Variants in CD68 observed in about 807,000 individuals in gnomAD.
CD68 encodes macrosialin.
CD68 carries 24 observed loss-of-function variants against 31.3 expected under a neutral mutation model. That is an observed-to-expected ratio of 0.77 (90% CI 0.55 to 1.08). The LOEUF (loss-of-function observed/expected upper bound fraction) is 1.08, where lower values mean the gene tolerates loss of function less well. Among genes scored for constraint, CD68 ranks in the 50% least tolerant of loss-of-function variants. The pLI, the probability that CD68 is intolerant of heterozygous loss-of-function variation, is 0.00. For synonymous variants in CD68, 190 were observed against 179.6 expected (o/e 1.06, Z -0.46); for missense variants, 461 against 442.5 (o/e 1.04, Z -0.38).
In CD68 at chr17:7,580,949, G is replaced by A; in HGVS notation, c.814G>A (p.Gly272Arg). The change falls in exon 5 of 6, where the codon GGG becomes AGG. Residue 272 changes from glycine to arginine, a missense_variant. By Grantham distance (125) the Gly-to-Arg change is moderately radical (BLOSUM62 -2). Coordinates refer to ENST00000250092, the MANE Select transcript of CD68 (RefSeq NM_001251.3). The surrounding 1 kb of genome is among the most constrained non-coding windows in gnomAD (Gnocchi z 4.3). ...CCTTCGAGATCTCCAAGCACCCCTG[G>A]GGCAGAGCTTCAGTTGCAGCAACTC... ...ASLRDLQAPL[G>R]QSFSCSNSSI... is the part of the protein sequence containing the mutation. 6.2e-7 allele frequency: 1 copy of A among 1,613,946 alleles called. No individual in the cohort carries two copies. Among genetic ancestry groups the A allele is most frequent in the Non-Finnish European group, 8.5e-7 (1 of 1,179,988 alleles).
In CD68 at chr17:7,580,666, T is replaced by A; in HGVS notation, c.688-45T>A. On this transcript the variant is annotated intron_variant, in intron 3 of 5. Transcript: ENST00000250092. This position sits in a 1 kb window ranked among gnomAD's most constrained non-coding sequence, Gnocchi z 4.3. ...CCCAATCCCACACGCTACTCCTTCC[T>A]CTGTGGAGAGGGATACCACCTGCGC... 6.2e-7 allele frequency: 1 copy of A among 1,613,582 alleles called. No individual in the cohort carries two copies. Among genetic ancestry groups the A allele is most frequent in the Non-Finnish European group, 8.5e-7 (1 of 1,179,660 alleles).
chr17:7,580,267 T>C lies in CD68; in HGVS notation c.507T>C (p.Cys169=), dbSNP rs1465650418. ...CGTGGACCAATGGTTCCCAGCCCTG[T>C]GTCCACCTCCAAGCCCAGATTCAGA... ...DYTWTNGSQP[C]VHLQAQIQIR... is the part of the protein sequence containing the mutation. The change falls in exon 2 of 6, where the codon TGT becomes TGC. Residue 169 remains cysteine (C), a synonymous_variant. Coordinates refer to ENST00000250092, the MANE Select transcript of CD68 (RefSeq NM_001251.3). This position sits in a 1 kb window ranked among gnomAD's most constrained non-coding sequence, Gnocchi z 4.3. The C allele has an allele frequency of 1.2e-6, 2 of 1,613,964 alleles. No individual in the cohort carries two copies. Among genetic ancestry groups the C allele is most frequent in the Non-Finnish European group, 8.5e-7 (1 of 1,179,988 alleles).
Position 7,580,306 on chromosome 17 carries a change from C to T in CD68, c.546C>T (p.Tyr182=), listed in dbSNP as rs35332743. 602 of 1,613,784 alleles carry T rather than the reference C, an allele frequency of 3.7e-4. No individual in the cohort carries two copies. Among genetic ancestry groups the T allele is most frequent in the Admixed American group, 4.7e-4 (28 of 59,986 alleles). ...LQAQIQIRVM[Y]TTQGGGEAWG... is the part of the protein sequence containing the mutation. ...CCCAGATTCAGATTCGAGTCATGTA[C>T]ACAACCCAGGGTGGAGGAGAGGTAA... Residue 182 remains tyrosine, a synonymous_variant, in exon 2 of 6, where the codon TAC becomes TAT. Transcript: ENST00000250092. This position sits in a 1 kb window ranked among gnomAD's most constrained non-coding sequence, Gnocchi z 4.3.
rs1283057311 is a variant in CD68, at chr17:7,580,933, T to C, written c.798T>C (p.Asp266=). 6.2e-7 allele frequency: 1 copy of C among 1,613,934 alleles called. No homozygotes were observed. The highest frequency in any genetic ancestry group is 8.5e-7 in the Non-Finnish European group (1 of 1,179,988). The change falls in exon 5 of 6, where the codon GAT becomes GAC. Residue 266 remains aspartate, a synonymous_variant. Transcript: ENST00000250092. The surrounding 1 kb of genome is among the most constrained non-coding windows in gnomAD (Gnocchi z 4.3). ...CGGCTCAGAATGCATCCCTTCGAGA[T>C]CTCCAAGCACCCCTGGGGCAGAGCT... The part of the protein sequence containing the change: ...TFSAQNASLR[D]LQAPLGQSFS...
rs1202747445 is a variant in CD68, at chr17:7,579,721, T to A, written c.44T>A (p.Leu15Gln). 4 of 1,603,922 alleles carry A rather than the reference T, an allele frequency of 2.5e-6. No individual in the cohort carries two copies. The highest frequency in any genetic ancestry group is 3.4e-6 in the Non-Finnish European group (4 of 1,175,862). Residue 15 changes from leucine (L) to glutamine (Q), a missense_variant, in exon 1 of 6, where the codon CTG becomes CAG. Coordinates refer to ENST00000250092, the MANE Select transcript of CD68 (RefSeq NM_001251.3). Reference sequence around the variant, plus strand: ...TTCTCGGGGGCCCTGCTGGGGCTACTGGCAGGTAAGGAGGAAGGAGGCTGA... The same window carrying A: ...TTCTCGGGGGCCCTGCTGGGGCTACAGGCAGGTAAGGAGGAAGGAGGCTGA... ...VLFSGALLGL[L>Q]AAQGTGNDCP...
At position 7,581,362 on chromosome 17, in the gene CD68, C is replaced by G; in HGVS notation, c.932-16C>G. ...CACGTCACTGCAAATACCTACCTGC[C>G]CTATCCTTCCGCCAGGTTTCTCCTG... On this transcript the variant is annotated splice_polypyrimidine_tract_variant and intron_variant, in intron 5 of 5. Transcript: ENST00000250092. The G allele has an allele frequency of 1.2e-6, 2 of 1,614,124 alleles. No homozygotes were observed. The highest frequency in any genetic ancestry group is 1.7e-6 in the Non-Finnish European group (2 of 1,179,992).
At position 7,581,875 on chromosome 17, in the gene CD68, T is replaced by C. The variant is rs530835870; in HGVS notation, c.*364T>C. On this transcript the variant is annotated 3_prime_UTR_variant, in exon 6 of 6. Transcript: ENST00000250092. ...AGGAGGTGGAGGTTGCAGTGAGCCG[T>C]CATCGCGCCACTAAGCCAAGATCGC... The C allele has an allele frequency of 3.1e-5, 8 of 256,786 alleles. No individual in the cohort carries two copies. In the East Asian group the frequency reaches 7.3e-4, roughly 23 times the overall value. 15.9% of individuals were successfully genotyped at this position (256,786 alleles called of 1,614,324 possible). A position where few individuals can be genotyped will look rare whatever the true frequency, so the allele number is the denominator to read the frequency against.
At position 7,579,726 on chromosome 17, in the gene CD68, GGTAAGGAGGAAGGAGGCT is replaced by G. The variant is rs2071457478; in HGVS notation, c.49+2_49+19del. ...GGGGGCCCTGCTGGGGCTACTGGCA[GGTAAGGAGGAAGGAGGCT>G]GAGGGGAGGGGGCCCCTGGGAGGGA... is the stretch of plus-strand genomic sequence containing the variant. On this transcript the variant is annotated splice_donor_variant and splice_donor_5th_base_variant and intron_variant, in intron 1 of 5. Coordinates refer to ENST00000250092, the MANE Select transcript of CD68 (RefSeq NM_001251.3). LOFTEE classifies it high-confidence loss of function. The G allele has an allele frequency of 1.9e-6, 3 of 1,604,522 alleles. No homozygotes were observed. Among genetic ancestry groups the G allele is most frequent in the Non-Finnish European group, 2.6e-6 (3 of 1,175,898 alleles).
At position 7,581,981 on chromosome 17, in the gene CD68, G is replaced by C. The variant is rs1186458364; in HGVS notation, c.*470G>C. The stretch of plus-strand genomic sequence containing the variant: ...GAGATAATGCAGTCGGGAGAAGGGA[G>C]GGAGAGAATTTTATTAAATGTGACG... On this transcript the variant is annotated 3_prime_UTR_variant, in exon 6 of 6. Coordinates refer to ENST00000250092, the MANE Select transcript of CD68 (RefSeq NM_001251.3). The C allele has an allele frequency of 6.6e-6, 1 of 150,424 alleles. No homozygotes were observed. Among genetic ancestry groups the C allele is most frequent in the Admixed American group, 6.7e-5 (1 of 15,014 alleles). The allele number at this position is 150,424 out of a possible 1,614,324, so 9.3% of individuals were successfully genotyped here. A position where few individuals can be genotyped will look rare whatever the true frequency, so the allele number is the denominator to read the frequency against.
In CD68 at chr17:7,580,688, G is replaced by GCGCCTTCCTCTT; in HGVS notation, c.688-18_688-7dup. The GCGCCTTCCTCTT allele has an allele frequency of 6.2e-7, 1 of 1,613,908 alleles. No individual in the cohort carries two copies. The highest frequency in any genetic ancestry group is 8.5e-7 in the Non-Finnish European group (1 of 1,179,926). On this transcript the variant is annotated intron_variant, in intron 3 of 5. Coordinates refer to ENST00000250092, the MANE Select transcript of CD68 (RefSeq NM_001251.3). This position sits in a 1 kb window ranked among gnomAD's most constrained non-coding sequence, Gnocchi z 4.3. ...TCCTCTGTGGAGAGGGATACCACCT[G>GCGCCTTCCTCTT]CGCCTTCCTCTTCGCCCCACAGGAC...
chr17:7,580,355 G>A lies in CD68; in HGVS notation c.567+28G>A, dbSNP rs768176493. 3 of 1,608,150 alleles carry A rather than the reference G, an allele frequency of 1.9e-6. No homozygotes were observed. The highest frequency in any genetic ancestry group is 1.3e-5 in the African/African-American group (1 of 74,914). On this transcript the variant is annotated intron_variant, in intron 2 of 5. Transcript: ENST00000250092. This position sits in a 1 kb window ranked among gnomAD's most constrained non-coding sequence, Gnocchi z 4.3. Reference sequence around the variant, plus strand: ...AAAGCTAAAACTGGGGGATGAGAGGGGAGGGAGGCAGGACTGGATATAGGC... The same window carrying A: ...AAAGCTAAAACTGGGGGATGAGAGGAGAGGGAGGCAGGACTGGATATAGGC...
At position 7,580,084 on chromosome 17, in the gene CD68, TCA is replaced by T. The variant is rs777007586; in HGVS notation, c.327_328del (p.His109GlnfsTer6). The T allele has an allele frequency of 1.9e-6, 3 of 1,613,572 alleles. No homozygotes were observed. The South Asian group carries it at 3.3e-5, about 18-fold the overall frequency. ...ATSQGPSTAT[H>X]SPATTSHGNA... is the part of the protein sequence containing the mutation. ...CCAGCCAGGGACCCTCAACTGCCAC[TCA>T]CAGTCCTGCCACCACTAGTCATGGA... On this transcript the variant is annotated frameshift_variant, in exon 2 of 6. Coordinates refer to ENST00000250092, the MANE Select transcript of CD68 (RefSeq NM_001251.3). LOFTEE classifies it high-confidence loss of function. The surrounding 1 kb of genome is among the most constrained non-coding windows in gnomAD (Gnocchi z 4.3).
At chr17:7,581,284 C>T in intron 5 of CD68, 94 bp from the exon 6 acceptor site, 9 of 1,488,044 alleles carry the variant, frequency 6.0e-6, no homozygotes, top group Non-Finnish European at 8.4e-6. Context: ...CCTCACCAAT[C>T]TCCTACTCCC....
rs780816227 is a variant in CD68, at chr17:7,579,974, C to G, written c.214C>G (p.His72Asp). 6.2e-7 allele frequency: 1 copy of G among 1,613,158 alleles called. No homozygotes were observed. The highest frequency in any genetic ancestry group is 1.7e-5 in the Admixed American group (1 of 59,986). Reference sequence around the variant, plus strand: ...GACAACCACCACAGGCACCACCAGCCACGGACCCACGACTGCCACTCACAA... The same window carrying G: ...GACAACCACCACAGGCACCACCAGCGACGGACCCACGACTGCCACTCACAA... ...HRTTTTGTTS[H>D]GPTTATHNPT... Residue 72 changes from histidine (H) to aspartate (D), a missense_variant, in exon 2 of 6, where the codon CAC becomes GAC. By Grantham distance (81) the His-to-Asp change is moderately conservative. Coordinates refer to ENST00000250092, the MANE Select transcript of CD68 (RefSeq NM_001251.3).
At chr17:7,579,782 T>C in intron 1 of CD68, 28 bp from the exon 2 acceptor site, 33 of 1,605,818 alleles carry the variant, frequency 2.1e-5, no homozygotes, top group Non-Finnish European at 2.8e-5. Flanking sequence ...CTGCCCTGGG[T>C]TGCTAACCAT....
chr17:7,581,538 G>T lies in CD68; in HGVS notation c.*27G>T. The T allele has an allele frequency of 6.2e-7, 1 of 1,612,802 alleles. No homozygotes were observed. Reference sequence around the variant, plus strand: ...CATTTGCTTCAAACCCCAGGGCACTGAGGGGGTTGGGGTGTGGTGGGGGGG... The same window carrying T: ...CATTTGCTTCAAACCCCAGGGCACTTAGGGGGTTGGGGTGTGGTGGGGGGG... On this transcript the variant is annotated 3_prime_UTR_variant, in exon 6 of 6. Transcript: ENST00000250092.
rs2071490204 is a variant in CD68, at chr17:7,581,876, CATCGCGCCACTAAGCCAAG to C, written c.*377_*395del. The C allele has an allele frequency of 7.8e-6, 2 of 257,616 alleles. No individual in the cohort carries two copies. Among genetic ancestry groups the C allele is most frequent in the African/African-American group, 2.2e-5 (1 of 45,450 alleles). 16.0% of individuals were successfully genotyped at this position (257,616 alleles called of 1,614,324 possible). A position where few individuals can be genotyped will look rare whatever the true frequency, so the allele number is the denominator to read the frequency against. ...GGAGGTGGAGGTTGCAGTGAGCCGT[CATCGCGCCACTAAGCCAAG>C]ATCGCGCCACTGCACTCCAGCCTGG... is the stretch of plus-strand genomic sequence containing the variant. On this transcript the variant is annotated 3_prime_UTR_variant, in exon 6 of 6. Coordinates refer to ENST00000250092, the MANE Select transcript of CD68 (RefSeq NM_001251.3).
chr17:7,581,558 G>T lies in CD68; in HGVS notation c.*47G>T. The T allele has an allele frequency of 6.3e-7, 1 of 1,599,622 alleles. No individual in the cohort carries two copies. The highest frequency in any genetic ancestry group is 2.2e-5 in the East Asian group (1 of 44,776). ...GCACTGAGGGGGTTGGGGTGTGGTG[G>T]GGGGGTACCCTTATTTCCTCGACAC... On this transcript the variant is annotated 3_prime_UTR_variant, in exon 6 of 6. Coordinates refer to ENST00000250092, the MANE Select transcript of CD68 (RefSeq NM_001251.3).
At position 7,579,921 on chromosome 17, in the gene CD68, C is replaced by G. The variant is rs1242312655; in HGVS notation, c.161C>G (p.Thr54Ser). 6.2e-7 allele frequency: 1 copy of G among 1,614,076 alleles called. No homozygotes were observed. Among genetic ancestry groups the G allele is most frequent in the South Asian group, 1.1e-5 (1 of 91,074 alleles). ...ACTGGAACAACCAGCCACAGGACTA[C>G]CAAGAGCCACAAAACCACCACTCAC... ...ESTGTTSHRT[T>S]KSHKTTTHRT... is the part of the protein sequence containing the mutation. Residue 54 changes from threonine (T) to serine (S), a missense_variant, in exon 2 of 6, where the codon ACC (threonine) becomes AGC (serine). Thr to Ser is a moderately conservative substitution (Grantham distance 58). Coordinates refer to ENST00000250092, the MANE Select transcript of CD68 (RefSeq NM_001251.3).
Sources: allele counts gnomAD v4.1 joint callset, GRCh38; gene constraint gnomAD v4.1.1; non-coding constraint Gnocchi (gnomAD v3.1); transcripts MANE v1.5; gene names NCBI Gene and HGNC (gene_info 2026-07-23, HGNC 2026-07-21).